CREB5: variants seen among roughly 807,000 people sequenced by gnomAD.
CREB5 encodes cAMP responsive element binding protein 5, also known as cyclic AMP-responsive element-binding protein 5.
CREB5 carries 19 observed loss-of-function variants against 57.1 expected under a neutral mutation model. The ratio of observed to expected loss-of-function variants is 0.33; its 90% CI spans 0.23 to 0.49. The LOEUF (loss-of-function observed/expected upper bound fraction) is 0.49. Among genes scored for constraint, CREB5 ranks in the 20% least tolerant of loss-of-function variants. The probability of loss-of-function intolerance (pLI) is 0.99; values close to 1 mark genes in which losing one functional copy is unlikely to be tolerated. For synonymous variants in CREB5, 238 were observed against 238.3 expected, an observed-to-expected ratio of 1.00 and a Z score of 0.01; for missense variants, 579 against 671.6, an observed-to-expected ratio of 0.86 and a Z score of 1.52.
At chr7:28,696,601 A>G (rs960682808) in intron 5 of CREB5, among the ~76,000 whole-genome samples, 3 of 152,172 alleles carry the variant, frequency 2.0e-5, no homozygotes, top group South Asian at 2.1e-4. Context: ...GGTTTTCTGT[A>G]TAGTAGTTTT....
At chr7:28,391,660 C>A (rs748359825) in intron 1 of CREB5, among the ~76,000 whole-genome samples, 1 of 152,180 alleles carries the variant, frequency 6.6e-6, no homozygotes, top group Non-Finnish European at 1.5e-5. Flanking sequence ...ATATAATTTG[C>A]TTTCAACCCA....
chr7:28,376,216 T>C (rs2127994923), intron 1 of CREB5, among the ~76,000 whole-genome samples: 1 of 152,228 alleles, frequency 6.6e-6, no homozygotes, highest in South Asian at 2.1e-4. Flanking sequence ...TGGTCTTCCT[T>C]TGTGGACTGC....
At chr7:28,334,011 C>T (rs761975334) in intron 1 of CREB5, among the ~76,000 whole-genome samples, 20 of 152,188 alleles carry the variant, frequency 1.3e-4, no homozygotes, top group Non-Finnish European at 1.5e-5. Flanking sequence ...ATATTCCCAC[C>T]AACGGTGTTT....
At chr7:28,466,182 G>A (rs1241730587) in intron 1 of CREB5, among the ~76,000 whole-genome samples, 1 of 130,006 alleles carries the variant, frequency 7.7e-6, no homozygotes, top group Non-Finnish European at 1.5e-5. Flanking sequence ...TTACCCAATC[G>A]CTTTTATCCT....
At chr7:28,720,229 T>C (rs1802950292) in intron 6 of CREB5, among the ~76,000 whole-genome samples, 1 of 152,306 alleles carries the variant, frequency 6.6e-6, no homozygotes, top group South Asian at 2.1e-4. Flanking sequence ...TCAGAAGCCC[T>C]AGAGGCAGTG....
intron 1 of CREB5, among the ~76,000 whole-genome samples, chr7:28,360,706 C>T (rs1786457570): frequency 6.6e-6 from 1 of 152,038 alleles, no homozygotes; most frequent in Non-Finnish European, 1.5e-5. Context: ...TCACTTTGTG[C>T]CCCATAAATA....
chr7:28,685,390 A>C lies in CREB5; in HGVS notation c.465-33363A>C, dbSNP rs532149846. Among the ~76,000 whole-genome samples the C allele has an allele frequency of 2.9e-4, 44 of 152,238 alleles. 1 individual carries two copies. The highest frequency in any genetic ancestry group is 1.0e-3 in the African/African-American group (43 of 41,542). On this transcript the variant is annotated intron_variant, in intron 5 of 10. Coordinates refer to ENST00000357727, the MANE Select transcript of CREB5 (RefSeq NM_182898.4). ...AGACACGGGCACGTGTTTGGACCAG[A>C]AGTGGTTTTGCCCTCGCTGACAGGG...
chr7:28,799,084 T>C (rs942124688), intron 7 of CREB5, among the ~76,000 whole-genome samples: 1 of 152,212 alleles, frequency 6.6e-6, no homozygotes, highest in Non-Finnish European at 1.5e-5. Flanking sequence ...ACGCAGTAGG[T>C]TCCTTAGGAC....
intron 9 of CREB5, among the ~76,000 whole-genome samples, chr7:28,809,928 T>G (rs977835080): frequency 9.2e-5 from 14 of 152,332 alleles, no homozygotes; most frequent in Admixed American, 8.5e-4. Context: ...TACTTGATTA[T>G]CTCTATTTTT....
At chr7:28,511,814 G>A (rs1285800148) in intron 4 of CREB5, among the ~76,000 whole-genome samples, 1 of 152,226 alleles carries the variant, frequency 6.6e-6, no homozygotes, top group Admixed American at 6.5e-5. Flanking sequence ...AAAGTGAGAG[G>A]ATTTGACTTA....
At chr7:28,755,739 A>G (rs988913998) in intron 7 of CREB5, among the ~76,000 whole-genome samples, 2 of 152,210 alleles carry the variant, frequency 1.3e-5, no homozygotes, top group African/African-American at 2.4e-5. Flanking sequence ...ATTTCTGCTG[A>G]TGGCTGCTGA....
At chr7:28,553,105 C>T (rs183535989) in intron 4 of CREB5, among the ~76,000 whole-genome samples, 1 of 152,306 alleles carries the variant, frequency 6.6e-6, no homozygotes, top group African/African-American at 2.4e-5. Context: ...TCATAACATT[C>T]TCTAAACAAG....
intron 4 of CREB5, among the ~76,000 whole-genome samples, chr7:28,515,842 T>C (rs1223198213): frequency 6.7e-6 from 1 of 148,908 alleles, no homozygotes; most frequent in East Asian, 2.0e-4. Flanking sequence ...ATTATTGTAA[T>C]AATTATTATT....
At chr7:28,646,154 G>T (rs748545619) in intron 5 of CREB5, among the ~76,000 whole-genome samples, 30 of 152,134 alleles carry the variant, frequency 2.0e-4, no homozygotes, top group Non-Finnish European at 3.5e-4. Context: ...CCTCATAATA[G>T]ATCTGTTTAT....
intron 4 of CREB5, among the ~76,000 whole-genome samples, chr7:28,530,496 CAT>C (rs1793677393): frequency 6.6e-6 from 1 of 152,188 alleles, no homozygotes; most frequent in South Asian, 2.1e-4. Flanking sequence ...GCTGAAAAAA[CAT>C]ATGATCCCAT....
At chr7:28,756,591 G>A (rs1805325643) in intron 7 of CREB5, among the ~76,000 whole-genome samples, 1 of 151,212 alleles carries the variant, frequency 6.6e-6, no homozygotes, top group Non-Finnish European at 1.5e-5. Context: ...AGTCTAAGTA[G>A]CCCTTGCATT....
At chr7:28,550,298 C>T (rs574017958) in intron 4 of CREB5, among the ~76,000 whole-genome samples, 2 of 152,132 alleles carry the variant, frequency 1.3e-5, no homozygotes, top group Non-Finnish European at 2.9e-5. Flanking sequence ...AAGAGCTAAA[C>T]ACTAAACACC....
intron 1 of CREB5, among the ~76,000 whole-genome samples, chr7:28,459,098 A>G (rs73684372): frequency 0.02 from 3,080 of 152,266 alleles, 100 homozygotes; most frequent in African/African-American, 0.07. Flanking sequence ...ACACCCATCC[A>G]GTGACCATCC....
chr7:28,658,953 G>GTGTATATATATATA (rs1400561698), intron 5 of CREB5, among the ~76,000 whole-genome samples: 6 of 99,604 alleles, frequency 6.0e-5, no homozygotes, highest in African/African-American at 2.0e-4. Flanking sequence ...GTGTGTGTGT[G>GTGTATATATATATA]TATATATATA....
Sources: gnomAD v4.1 joint callset for allele counts (sites outside exome capture counted in the v4.1 genomes callset) on GRCh38, gnomAD v4.1.1 for gene constraint, MANE v1.5 for transcripts, NCBI Gene and HGNC (gene_info 2026-07-23, HGNC 2026-07-21) for gene names.